The following SPATA6 variants were observed in gnomAD, a reference collection of about 807,000 sequenced individuals.
The protein encoded by SPATA6 is spermatogenesis-associated protein 6.
A neutral mutation model predicts 65.3 loss-of-function variants in SPATA6; 56 were observed. That is an observed-to-expected ratio of 0.86 (90% CI 0.69 to 1.07). The LOEUF is 1.07. Among genes scored for constraint, SPATA6 ranks in the 50% least tolerant of loss-of-function variants. The pLI is 0.00. For synonymous variants in SPATA6, 199 were observed against 213.2 expected (o/e 0.93, Z 0.58); for missense variants, 590 against 594.8 (o/e 0.99, Z 0.08).
the SPATA6 span, among the ~76,000 whole-genome samples, chr1:48,288,769 G>A: frequency 6.6e-6 from 1 of 152,176 alleles, no homozygotes; most frequent in East Asian, 1.9e-4. Context: ...GTCTGAGATC[G>A]AACTGCAAGG....
intron 1 of SPATA6, among the ~76,000 whole-genome samples, chr1:48,460,484 T>C (rs980470789): frequency 1.3e-5 from 2 of 152,054 alleles, no homozygotes; most frequent in East Asian, 3.9e-4. Flanking sequence ...GACCGAATAA[T>C]TGCCCCTAAT....
Position 48,453,054 on chromosome 1 carries a change from CTTTTTGTATTGGCCAAACACA to C in SPATA6, c.108_128del (p.Cys36_Lys43delinsTrp). On this transcript the variant is annotated inframe_deletion, in exon 2 of 13. Coordinates refer to ENST00000371847, the MANE Select transcript of SPATA6 (RefSeq NM_019073.4). ...GAAAAGTGGCTGGGACACATTGTGT[CTTTTTGTATTGGCCAAACACA>C]CAGATGCTAAGATAGATGTCCTCTT... 1 of 1,614,034 alleles carries C rather than the reference CTTTTTGTATTGGCCAAACACA, an allele frequency of 6.2e-7. No homozygotes were observed. Among genetic ancestry groups the C allele is most frequent in the East Asian group, 2.2e-5 (1 of 44,850 alleles).
At chr1:48,262,179 G>A in the SPATA6 span, 1 of 152,078 alleles carries the variant, frequency 6.6e-6, no homozygotes, top group Non-Finnish European at 1.5e-5. Context: ...AGACTGAAGT[G>A]TTTCATAATA....
At chr1:48,269,885 C>CT in the SPATA6 span, among the ~76,000 whole-genome samples, 1 of 150,992 alleles carries the variant, frequency 6.6e-6, no homozygotes, top group African/African-American at 2.4e-5. Context: ...CTAATTTTAC[C>CT]TTTAAAAAAA....
At chr1:48,360,560 T>C (rs1381930912) in intron 9 of SPATA6, among the ~76,000 whole-genome samples, 1 of 152,130 alleles carries the variant, frequency 6.6e-6, no homozygotes, top group Non-Finnish European at 1.5e-5. Context: ...GAGGAGGACA[T>C]GCTTGATATT....
intron 6 of SPATA6, among the ~76,000 whole-genome samples, chr1:48,403,196 C>A (rs1348765172): frequency 6.6e-6 from 1 of 151,952 alleles, no homozygotes; most frequent in Non-Finnish European, 1.5e-5. Context: ...AACAAGAAGT[C>A]AGACAAATGG....
At chr1:48,430,622 G>C (rs1242546193) in intron 3 of SPATA6, among the ~76,000 whole-genome samples, 2 of 152,048 alleles carry the variant, frequency 1.3e-5, no homozygotes, top group African/African-American at 4.8e-5. Context: ...CCACATTTTT[G>C]TTTGCAATGT....
At chr1:48,440,304 T>G (rs959695433) in intron 3 of SPATA6, among the ~76,000 whole-genome samples, 1 of 152,146 alleles carries the variant, frequency 6.6e-6, no homozygotes, top group Non-Finnish European at 1.5e-5. Context: ...TCCTGATAGG[T>G]ATACAGATGT....
At chr1:48,315,097 G>A (rs375053229) in intron 11 of SPATA6, among the ~76,000 whole-genome samples, 12 of 152,112 alleles carry the variant, frequency 7.9e-5, no homozygotes, top group Admixed American at 2.0e-4. Flanking sequence ...ATTCACAGCC[G>A]AATTCTACCA....
chr1:48,437,160 G>A lies in SPATA6; in HGVS notation c.238+14392C>T. On this transcript the variant is annotated intron_variant, in intron 3 of 12. Coordinates refer to ENST00000371847, the MANE Select transcript of SPATA6 (RefSeq NM_019073.4). ...AGCCATCAATACCATTGCCTCCAGTGTTACCTTGGACTGAGCCAGAATGTG... is the reference window on the plus strand; with the variant it reads ...AGCCATCAATACCATTGCCTCCAGTATTACCTTGGACTGAGCCAGAATGTG... 14 of 1,607,770 alleles carry A rather than the reference G, an allele frequency of 8.7e-6. No individual in the cohort carries two copies. In the South Asian group the frequency reaches 1.4e-4, roughly 16 times the overall value.
intron 6 of SPATA6, 41 bp from the exon 7 acceptor site, chr1:48,399,685 T>A: frequency 6.6e-7 from 1 of 1,506,594 alleles, no homozygotes; most frequent in East Asian, 2.3e-5. Context: ...CAAAGGGGAT[T>A]TTTAAAATTC....
intron 8 of SPATA6, among the ~76,000 whole-genome samples, chr1:48,385,999 A>T (rs1259427272): frequency 6.6e-6 from 1 of 152,204 alleles, no homozygotes; most frequent in Non-Finnish European, 1.5e-5. Flanking sequence ...TACCATCATC[A>T]ACAACAACAT....
intron 11 of SPATA6, among the ~76,000 whole-genome samples, chr1:48,327,216 A>C (rs1645788727): frequency 6.6e-6 from 1 of 152,204 alleles, no homozygotes; most frequent in Admixed American, 6.5e-5. Flanking sequence ...AAAAGAAGAA[A>C]TAAAAGCGGC....
chr1:48,466,380 G>C (rs1197316031), intron 1 of SPATA6, among the ~76,000 whole-genome samples: 1 of 151,990 alleles, frequency 6.6e-6, no homozygotes, highest in Non-Finnish European at 1.5e-5. Context: ...GATACTATTT[G>C]TGCAAAATTT....
the SPATA6 span, among the ~76,000 whole-genome samples, chr1:48,278,281 C>G: frequency 6.6e-6 from 1 of 152,198 alleles, no homozygotes; most frequent in African/African-American, 2.4e-5. Context: ...AGCGCCTCTC[C>G]TCCTCCAAAG....
chr1:48,280,801 GAA>G, the SPATA6 span, among the ~76,000 whole-genome samples: 1 of 152,088 alleles, frequency 6.6e-6, no homozygotes, highest in South Asian at 2.1e-4. Flanking sequence ...CCAATCAATA[GAA>G]AAAGAGGGAA....
In SPATA6 at chr1:48,442,717, T is replaced by TAAAAA. The variant is rs71056669; in HGVS notation, c.238+8830_238+8834dup. ...CAAAGAGAAAGAGAGATGGAAGTAGTAAAAAAAAAAAAAAAAAAAAAAAAA... is the reference window on the plus strand; with the variant it reads ...CAAAGAGAAAGAGAGATGGAAGTAGTAAAAAAAAAAAAAAAAAAAAAAAAAAAAAA... On this transcript the variant is annotated intron_variant, in intron 3 of 12. Transcript: ENST00000371847. Among the ~76,000 whole-genome samples the TAAAAA allele has an allele frequency of 6.5e-4, 30 of 46,220 alleles. 3 individuals carry two copies. Among genetic ancestry groups the TAAAAA allele is most frequent in the Non-Finnish European group, 1.0e-3 (27 of 26,532 alleles). The allele number at this position is 46,220 out of a possible 152,430, so 30.3% of individuals were successfully genotyped here.
At chr1:48,413,456 C>CTTT (rs35376845) in intron 3 of SPATA6, among the ~76,000 whole-genome samples, 18 of 110,836 alleles carry the variant, frequency 1.6e-4, no homozygotes, top group South Asian at 3.1e-4. Context: ...CGCCCGGATA[C>CTTT]TTTTTTTTTT....
At chr1:48,330,472 C>T (rs943503821) in intron 11 of SPATA6, among the ~76,000 whole-genome samples, 5 of 152,090 alleles carry the variant, frequency 3.3e-5, no homozygotes, top group African/African-American at 1.2e-4. Context: ...TCCAGGTAGG[C>T]AACAACTGCT....
Sources: allele counts gnomAD v4.1 joint callset (sites outside exome capture counted in the v4.1 genomes callset), GRCh38; gene constraint gnomAD v4.1.1; transcripts MANE v1.5; gene names NCBI Gene and HGNC (gene_info 2026-07-23, HGNC 2026-07-21).